RARB: variants seen among roughly 807,000 people sequenced by gnomAD.
RARB encodes HBV-activated protein.
In RARB, 17 loss-of-function variants were observed where a neutral mutation model predicts 51.9. The ratio of observed to expected loss-of-function variants is 0.33; its 90% CI spans 0.22 to 0.49. The LOEUF (loss-of-function observed/expected upper bound fraction) is 0.49. RARB is among the 20% of genes least tolerant of loss of function. The probability of loss-of-function intolerance (pLI) is 0.99; values close to 1 mark genes in which losing one functional copy is unlikely to be tolerated. For synonymous variants in RARB, 215 were observed against 195.4 expected (o/e 1.10, Z -0.84); for missense variants, 369 against 550.8 (o/e 0.67, Z 3.30).
chr3:25,440,091 C>T (rs1285709903), intron 1 of RARB, among the ~76,000 whole-genome samples: 1 of 139,540 alleles, frequency 7.2e-6, no homozygotes, highest in Non-Finnish European at 1.7e-5. Context: ...TTAAATAAGA[C>T]AATGTATTTG....
At chr3:25,187,941 CT>C (rs917523656) in intron 5 of RARB, among the ~76,000 whole-genome samples, 13 of 151,988 alleles carry the variant, frequency 8.6e-5, no homozygotes, top group African/African-American at 3.1e-4. Context: ...GACAACCTTC[CT>C]GGCTAATAAG....
intron 3 of RARB, among the ~76,000 whole-genome samples, chr3:25,556,342 C>T (rs994371282): frequency 1.4e-4 from 21 of 152,134 alleles, no homozygotes; most frequent in Admixed American, 6.5e-5. Context: ...CTGAGACTGA[C>T]CTGGGAGCTT....
At chr3:25,069,935 G>T (rs539069818) in intron 3 of RARB, among the ~76,000 whole-genome samples, 2 of 152,166 alleles carry the variant, frequency 1.3e-5, no homozygotes, top group African/African-American at 2.4e-5. Context: ...CTGTCATGAC[G>T]AAGTGCCACA....
chr3:25,131,937 A>C (rs1382497407), intron 3 of RARB, among the ~76,000 whole-genome samples: 2 of 151,966 alleles, frequency 1.3e-5, no homozygotes, highest in African/African-American at 4.8e-5. Context: ...AAAAGGGATC[A>C]GGGGTGCAAA....
intron 4 of RARB, among the ~76,000 whole-genome samples, chr3:25,578,104 G>A (rs192845807): frequency 2.4e-4 from 37 of 152,274 alleles, no homozygotes; most frequent in African/African-American, 7.7e-4. Context: ...TTTCCTCCCT[G>A]CACACTCAGA....
In RARB at chr3:25,323,126, C is replaced by T. The variant is rs79312569; in HGVS notation, c.179-138067C>T. On this transcript the variant is annotated intron_variant, in intron 5 of 11. Coordinates refer to the RARB transcript ENST00000383772. Reference sequence around the variant, plus strand: ...ATTGGCCTCTCTCCAACAGAATACCCGGGGCTCAAGGCAAAAACATGGAGG... The same window carrying T: ...ATTGGCCTCTCTCCAACAGAATACCTGGGGCTCAAGGCAAAAACATGGAGG... Among the ~76,000 whole-genome samples the T allele has an allele frequency of 5.8e-3, 880 of 151,938 alleles. 5 individuals are homozygous for T. Among genetic ancestry groups the T allele is most frequent in the African/African-American group, 0.018 (749 of 41,490 alleles).
intron 2 of RARB, among the ~76,000 whole-genome samples, chr3:24,977,131 G>T (rs1696534276): frequency 6.6e-6 from 1 of 152,000 alleles, no homozygotes; most frequent in Non-Finnish European, 1.5e-5. Context: ...TATCTGTTTT[G>T]GTACCGGTAC....
At chr3:24,951,423 C>A (rs1376683876) in intron 2 of RARB, among the ~76,000 whole-genome samples, 1 of 152,132 alleles carries the variant, frequency 6.6e-6, no homozygotes, top group Non-Finnish European at 1.5e-5. Context: ...CTTAGGGCAT[C>A]GGACACTCCA....
intron 5 of RARB, among the ~76,000 whole-genome samples, chr3:25,244,160 C>T (rs1274906573): frequency 2.0e-5 from 3 of 151,892 alleles, no homozygotes; most frequent in Non-Finnish European, 4.4e-5. Flanking sequence ...GGTGATATCC[C>T]CTTTATCATT....
intron 5 of RARB, among the ~76,000 whole-genome samples, chr3:25,311,604 G>A (rs979019394): frequency 3.9e-5 from 6 of 152,300 alleles, no homozygotes; most frequent in African/African-American, 9.6e-5. Flanking sequence ...TATTCACAGC[G>A]GGGCAGCTGA....
At chr3:25,020,031 A>G (rs770241764) in intron 2 of RARB, 5 of 151,960 alleles carry the variant, frequency 3.3e-5, no homozygotes, top group African/African-American at 4.8e-5. Flanking sequence ...TTCTTATATG[A>G]GTAAGTATAA....
intron 2 of RARB, among the ~76,000 whole-genome samples, chr3:25,031,337 G>A (rs1697870431): frequency 6.6e-6 from 1 of 152,112 alleles, no homozygotes; most frequent in Non-Finnish European, 1.5e-5. Flanking sequence ...AAACTGTTAA[G>A]AAACAGAAAC....
chr3:25,594,761 A>T, intron 7 of RARB, 83 bp downstream of exon 7: 1 of 1,241,972 alleles, frequency 8.1e-7, no homozygotes, highest in Non-Finnish European at 1.1e-6. Flanking sequence ...TCAATTCAGG[A>T]TGTTTAATGG....
At chr3:25,135,240 T>C (rs1259834293) in intron 4 of RARB, among the ~76,000 whole-genome samples, 1 of 152,000 alleles carries the variant, frequency 6.6e-6, no homozygotes, top group Non-Finnish European at 1.5e-5. Context: ...AACTGATTTT[T>C]AAATTTTATT....
In RARB at chr3:25,315,668, C is replaced by T. The variant is rs1704403958; in HGVS notation, c.178+141093C>T. 2.0e-5 allele frequency among the ~76,000 whole-genome samples: 3 copies of T among 152,288 alleles called. No homozygotes were observed. The South Asian group carries it at 6.2e-4, about 32-fold the overall frequency. Reference sequence around the variant, plus strand: ...TTGCTCTGTCGCCCAGGCTGGAGTACAGTGCCGCAGTCTCAGCTCACTGCA... The same window carrying T: ...TTGCTCTGTCGCCCAGGCTGGAGTATAGTGCCGCAGTCTCAGCTCACTGCA... On this transcript the variant is annotated intron_variant, in intron 5 of 11. Transcript: ENST00000383772.
At chr3:25,255,492 C>T (rs1202719499) in intron 5 of RARB, among the ~76,000 whole-genome samples, 1 of 152,124 alleles carries the variant, frequency 6.6e-6, no homozygotes, top group Non-Finnish European at 1.5e-5. Flanking sequence ...AATTGAGCTT[C>T]GAGTTTGAAG....
At chr3:25,221,061 A>T (rs1257652186) in intron 5 of RARB, among the ~76,000 whole-genome samples, 1 of 151,886 alleles carries the variant, frequency 6.6e-6, no homozygotes, top group East Asian at 1.9e-4. Flanking sequence ...ATTCTTTCTT[A>T]CTTGTAATTT....
intron 3 of RARB, among the ~76,000 whole-genome samples, chr3:25,076,469 CTG>C (rs1698872731): frequency 6.6e-6 from 1 of 152,196 alleles, no homozygotes; most frequent in Admixed American, 6.5e-5. Context: ...TACTAGAAAT[CTG>C]TGGCTATTTT....
intron 1 of RARB, among the ~76,000 whole-genome samples, chr3:25,431,223 C>T (rs1175945424): frequency 2.0e-5 from 3 of 152,000 alleles, no homozygotes; most frequent in Non-Finnish European, 4.4e-5. Context: ...AGAAAAAGTA[C>T]TAAATTCCAA....
Sources: allele counts gnomAD v4.1 joint callset (sites outside exome capture counted in the v4.1 genomes callset), GRCh38; gene constraint gnomAD v4.1.1; transcripts MANE v1.5; gene names NCBI Gene and HGNC (gene_info 2026-07-23, HGNC 2026-07-21).